TUBGCP3: variants seen among roughly 807,000 people sequenced by gnomAD.
TUBGCP3 encodes gamma-tubulin complex component 3.
Under a neutral mutation model 123.1 loss-of-function variants are expected in TUBGCP3, and 50 were observed. The ratio of observed to expected loss-of-function variants is 0.41; its 90% CI spans 0.32 to 0.51. TUBGCP3 has a LOEUF of 0.51. Ranked by LOEUF, TUBGCP3 falls within the 20% of genes least tolerant of loss-of-function variation. The pLI is 0.36. For synonymous variants in TUBGCP3, 405 were observed against 413.9 expected (o/e 0.98, Z 0.26); for missense variants, 882 against 1,127.0 (o/e 0.78, Z 3.11).
intron 20 of TUBGCP3, among the ~76,000 whole-genome samples, chr13:112,491,777 C>T (rs1334494574): frequency 2.0e-5 from 3 of 152,182 alleles, no homozygotes; most frequent in African/African-American, 2.4e-5. Flanking sequence ...TGAGCCACCA[C>T]GCCCGGCCAG....
At chr13:112,566,231 C>T (rs976437216) in intron 2 of TUBGCP3, among the ~76,000 whole-genome samples, 1 of 152,212 alleles carries the variant, frequency 6.6e-6, no homozygotes, top group Middle Eastern at 3.2e-3. Flanking sequence ...GCAAACATCA[C>T]CTGTGCACAG....
rs186148930 is a variant in TUBGCP3 at position 112,549,491 on chromosome 13, A to T, written c.967-1315T>A. On this transcript the variant is annotated intron_variant, in intron 8 of 21. Coordinates refer to ENST00000261965, the MANE Select transcript of TUBGCP3 (RefSeq NM_006322.6). Reference sequence around the variant, plus strand: ...TAAAACTTAAGGTATAATAATAAAAAAATTAATTAATTAATTAATTAAAAA... The same window carrying T: ...TAAAACTTAAGGTATAATAATAAAATAATTAATTAATTAATTAATTAAAAA... 1.2e-3 allele frequency among the ~76,000 whole-genome samples: 176 copies of T among 151,820 alleles called. 1 individual carries two copies. The highest frequency in any genetic ancestry group is 3.9e-3 in the African/African-American group (162 of 41,242).
chr13:112,586,099 C>A (rs928766608), intron 1 of TUBGCP3, among the ~76,000 whole-genome samples: 1 of 151,732 alleles, frequency 6.6e-6, no homozygotes, highest in Non-Finnish European at 1.5e-5. Flanking sequence ...ATGAGCCAGG[C>A]GTGGTGGCGG....
chr13:112,567,964 T>C (rs1160720461), intron 2 of TUBGCP3, among the ~76,000 whole-genome samples: 2 of 147,086 alleles, frequency 1.4e-5, no homozygotes, highest in African/African-American at 5.4e-5. Flanking sequence ...CTAGAAGGTG[T>C]TATCACTAAG....
rs1385886622 is a variant in TUBGCP3, at chr13:112,548,184, G to C, written c.967-8C>G. The C allele has an allele frequency of 6.3e-7, 1 of 1,595,968 alleles. No individual in the cohort carries two copies. The highest frequency in any genetic ancestry group is 8.6e-7 in the Non-Finnish European group (1 of 1,168,910). On this transcript the variant is annotated splice_polypyrimidine_tract_variant and splice_region_variant and intron_variant, in intron 8 of 21. Transcript: ENST00000261965. ...CAAGGCAGCACAAAAGCTCTGTTTG[G>C]AGGAGAAATATAATTAAAGCACGAC...
chr13:112,560,531 T>C (rs1329911782), intron 3 of TUBGCP3, among the ~76,000 whole-genome samples: 2 of 152,266 alleles, frequency 1.3e-5, no homozygotes, highest in Non-Finnish European at 2.9e-5. Flanking sequence ...AATTTCCAAT[T>C]GTGTATCACA....
chr13:112,525,957 A>C (rs1474999525), intron 13 of TUBGCP3, among the ~76,000 whole-genome samples: 1 of 152,226 alleles, frequency 6.6e-6, no homozygotes, highest in Non-Finnish European at 1.5e-5. Context: ...ACTATGTATT[A>C]AGGTGTATCA....
intron 17 of TUBGCP3, 65 bp downstream of exon 17, chr13:112,516,375 G>A (rs375247728): frequency 9.7e-6 from 14 of 1,445,972 alleles, no homozygotes; most frequent in Middle Eastern, 2.5e-4. Flanking sequence ...GCTGGAAACC[G>A]CACCCAGTGG....
chr13:112,547,131 T>A (rs1263558004), intron 10 of TUBGCP3: 1 of 283,462 alleles, frequency 3.5e-6, no homozygotes, highest in Admixed American at 5.3e-5. Context: ...CATGCAAATA[T>A]GGGAACATCT....
At chr13:112,525,217 C>T (rs1028703422) in intron 13 of TUBGCP3, among the ~76,000 whole-genome samples, 5 of 152,206 alleles carry the variant, frequency 3.3e-5, no homozygotes, top group African/African-American at 1.2e-4. Flanking sequence ...TATTTCTCTT[C>T]TGCACTTCCA....
intron 19 of TUBGCP3, 93 bp from the exon 20 acceptor site, chr13:112,499,278 C>A: frequency 7.0e-7 from 1 of 1,435,482 alleles, no homozygotes; most frequent in Non-Finnish European, 9.3e-7. Flanking sequence ...TATTAGAAAA[C>A]AAGATATCAA....
In TUBGCP3 at chr13:112,508,955, T is replaced by A. The variant is rs1881484305; in HGVS notation, c.2087-4241A>T. On this transcript the variant is annotated intron_variant, in intron 17 of 21. Transcript: ENST00000261965. The surrounding 1 kb of genome is among the most constrained non-coding windows in gnomAD (Gnocchi z 4.2). ...GGCCAACGTCACCGCACACGGATTATTACAACTGGCTGCCCTGCTAATCAC... is the reference window on the plus strand; with the variant it reads ...GGCCAACGTCACCGCACACGGATTAATACAACTGGCTGCCCTGCTAATCAC... Among the ~76,000 whole-genome samples, 1 of 152,194 alleles carries A rather than the reference T, an allele frequency of 6.6e-6. No homozygotes were observed. The highest frequency in any genetic ancestry group is 1.9e-4 in the East Asian group (1 of 5,188).
intron 21 of TUBGCP3, 47 bp from the exon 22 acceptor site, chr13:112,486,198 C>A: frequency 2.5e-6 from 4 of 1,605,974 alleles, no homozygotes; most frequent in Non-Finnish European, 3.4e-6. Context: ...AAAAGAACAA[C>A]CCACAAACGT....
intron 17 of TUBGCP3, among the ~76,000 whole-genome samples, chr13:112,512,679 G>A (rs1881750636): frequency 6.6e-6 from 1 of 152,046 alleles, no homozygotes; most frequent in Non-Finnish European, 1.5e-5. Context: ...AGGTTGCAGT[G>A]AGCCAAAATC....
At chr13:112,487,058 T>TGG (rs1487592853) in intron 21 of TUBGCP3, among the ~76,000 whole-genome samples, 1 of 143,124 alleles carries the variant, frequency 7.0e-6, no homozygotes, top group African/African-American at 2.6e-5. Flanking sequence ...TGTGTATGTG[T>TGG]GTGTGTGTGT....
intron 1 of TUBGCP3, among the ~76,000 whole-genome samples, chr13:112,580,928 G>A (rs1303963431): frequency 1.3e-5 from 2 of 152,214 alleles, no homozygotes; most frequent in Non-Finnish European, 2.9e-5. Flanking sequence ...AGTCTCCTGA[G>A]GAGCTGCTCA....
chr13:112,534,478 T>C (rs566431239), intron 11 of TUBGCP3, among the ~76,000 whole-genome samples: 35 of 151,016 alleles, frequency 2.3e-4, no homozygotes, highest in South Asian at 1.7e-3. Flanking sequence ...ACCCGGGAGG[T>C]GGAGCTTGCA....
rs73566306 is a variant in TUBGCP3, at chr13:112,488,593, G to A, written c.2565+988C>T. On this transcript the variant is annotated intron_variant, in intron 21 of 21. Transcript: ENST00000261965. ...CCCCACAATCCCACCACGGGGGAGC[G>A]CAGGGGCCACCCCCAGGTCCCCACA... Among the ~76,000 whole-genome samples, 507 of 142,552 alleles carry A rather than the reference G, an allele frequency of 3.6e-3. 2 individuals are homozygous for A. Among genetic ancestry groups the A allele is most frequent in the African/African-American group, 0.013 (472 of 37,496 alleles). 93.5% of individuals were successfully genotyped at this position (142,552 alleles called of 152,430 possible).
chr13:112,587,656 G>A (rs1378881999), intron 1 of TUBGCP3, among the ~76,000 whole-genome samples: 11 of 146,928 alleles, frequency 7.5e-5, no homozygotes, highest in African/African-American at 1.8e-4. Context: ...TTCTCGCCCC[G>A]GCCTTGGCCT....
Sources: gnomAD v4.1 joint callset for allele counts (sites outside exome capture counted in the v4.1 genomes callset) on GRCh38, gnomAD v4.1.1 for gene constraint, Gnocchi (gnomAD v3.1) non-coding constraint, MANE v1.5 for transcripts, NCBI Gene and HGNC (gene_info 2026-07-23, HGNC 2026-07-21) for gene names.